ZRANB3: variants seen among roughly 807,000 people sequenced by gnomAD.
The protein encoded by ZRANB3 is DNA annealing helicase and endonuclease ZRANB3.
ZRANB3 carries 125 observed loss-of-function variants against 133.8 expected under a neutral mutation model. That is an observed-to-expected ratio of 0.93 (90% confidence interval 0.81 to 1.08). The LOEUF is 1.08. ZRANB3 is among the 50% of genes least tolerant of loss of function. The pLI, the probability that ZRANB3 is intolerant of heterozygous loss-of-function variation, is 0.00. For synonymous variants in ZRANB3, 387 were observed against 432.7 expected (o/e 0.89, Z 1.31); for missense variants, 1,229 against 1,275.5 (o/e 0.96, Z 0.56).
intron 2 of ZRANB3, among the ~76,000 whole-genome samples, chr2:135,485,694 G>A (rs1429473117): frequency 6.6e-6 from 1 of 152,178 alleles, no homozygotes; most frequent in Non-Finnish European, 1.5e-5. Context: ...TCGTAAAAAG[G>A]TGAGTCACAC....
intron 1 of ZRANB3, among the ~76,000 whole-genome samples, chr2:135,522,447 G>A (rs1447849078): frequency 6.6e-6 from 1 of 152,138 alleles, no homozygotes; most frequent in Non-Finnish European, 1.5e-5. Context: ...CCCGCCGGGT[G>A]GTGTGGGGCT....
At chr2:135,471,104 CT>C (rs11443441) in intron 2 of ZRANB3, among the ~76,000 whole-genome samples, 174 of 142,766 alleles carry the variant, frequency 1.2e-3, no homozygotes, top group Non-Finnish European at 1.7e-3. Context: ...CCCGGCCTCA[CT>C]TTTTTTTTTT....
At chr2:135,254,967 G>A (rs911807068) in intron 12 of ZRANB3, among the ~76,000 whole-genome samples, 2 of 151,968 alleles carry the variant, frequency 1.3e-5, no homozygotes, top group Admixed American at 1.3e-4. Flanking sequence ...TGGCCAGGCT[G>A]GTCTTGAAAT....
intron 3 of ZRANB3, among the ~76,000 whole-genome samples, chr2:135,380,795 G>A (rs1246769144): frequency 6.6e-6 from 1 of 152,086 alleles, no homozygotes; most frequent in African/African-American, 2.4e-5. Context: ...CTAGCAGAAG[G>A]CAAGAAATAA....
At position 135,281,710 on chromosome 2, in the gene ZRANB3, T is replaced by C. The variant is rs549464163; in HGVS notation, c.967-5955A>G. ...TAGCTTCACTGGGATACAATTCACA[T>C]ACCATAAAATTCACTCTTTTAAAGT... On this transcript the variant is annotated intron_variant, in intron 8 of 20. Transcript: ENST00000264159. Among the ~76,000 whole-genome samples, 12 of 152,332 alleles carry C rather than the reference T, an allele frequency of 7.9e-5. No homozygotes were observed. In the South Asian group the frequency reaches 2.5e-3, roughly 32 times the overall value.
chr2:135,479,037 G>C (rs773954356), intron 2 of ZRANB3, among the ~76,000 whole-genome samples: 2 of 151,632 alleles, frequency 1.3e-5, no homozygotes, highest in Non-Finnish European at 2.9e-5. Flanking sequence ...TTCCAAAGTA[G>C]TTGTGCCAAT....
At chr2:135,261,206 T>C (rs1205286269) in intron 12 of ZRANB3, among the ~76,000 whole-genome samples, 1 of 152,006 alleles carries the variant, frequency 6.6e-6, no homozygotes, top group Non-Finnish European at 1.5e-5. Context: ...TGTAAATGGA[T>C]AAAAAATAAA....
At chr2:135,490,316 G>C (rs969419839) in intron 2 of ZRANB3, among the ~76,000 whole-genome samples, 5 of 152,104 alleles carry the variant, frequency 3.3e-5, no homozygotes, top group African/African-American at 1.2e-4. Flanking sequence ...CAAAAAAAGA[G>C]AAATATTCCA....
chr2:135,209,524 G>A (rs867325527), intron 17 of ZRANB3, among the ~76,000 whole-genome samples: 1 of 152,120 alleles, frequency 6.6e-6, no homozygotes, highest in African/African-American at 2.4e-5. Flanking sequence ...CCCATACAGG[G>A]TTTATGGATT....
chr2:135,356,532 G>A (rs1685444567), intron 3 of ZRANB3, among the ~76,000 whole-genome samples: 1 of 152,124 alleles, frequency 6.6e-6, no homozygotes, highest in Non-Finnish European at 1.5e-5. Flanking sequence ...GATATGCTGG[G>A]AAGTTTATTT....
chr2:135,340,928 T>C (rs1179280960), intron 6 of ZRANB3, among the ~76,000 whole-genome samples: 2 of 150,216 alleles, frequency 1.3e-5, no homozygotes, highest in Non-Finnish European at 2.9e-5. Context: ...ATTTATCTTT[T>C]TATATGTCCT....
At chr2:135,487,293 T>C (rs1200178103) in intron 2 of ZRANB3, among the ~76,000 whole-genome samples, 1 of 152,222 alleles carries the variant, frequency 6.6e-6, no homozygotes, top group Non-Finnish European at 1.5e-5. Context: ...GTTATTCTAC[T>C]TATAGAACAC....
intron 2 of ZRANB3, among the ~76,000 whole-genome samples, chr2:135,500,687 T>C (rs905091889): frequency 6.7e-6 from 1 of 150,022 alleles, no homozygotes; most frequent in African/African-American, 2.5e-5. Flanking sequence ...GGTGATGCTA[T>C]ACTGTGAAAA....
chr2:135,395,669 G>A (rs1211923533), intron 2 of ZRANB3, among the ~76,000 whole-genome samples: 1 of 151,974 alleles, frequency 6.6e-6, no homozygotes, highest in African/African-American at 2.4e-5. Context: ...TTTTGGCCAG[G>A]CTGGTCTCAA....
chr2:135,364,834 A>C (rs1685854335), intron 3 of ZRANB3, among the ~76,000 whole-genome samples: 1 of 152,134 alleles, frequency 6.6e-6, no homozygotes, highest in Non-Finnish European at 1.5e-5. Flanking sequence ...GCAGATCACG[A>C]GGTCAGGAGT....
At chr2:135,406,972 G>A (rs1218418998) in intron 2 of ZRANB3, among the ~76,000 whole-genome samples, 2 of 152,096 alleles carry the variant, frequency 1.3e-5, no homozygotes, top group African/African-American at 4.8e-5. Flanking sequence ...TTCTGGCCAG[G>A]GCAATCAGGC....
Position 135,363,798 on chromosome 2 carries a change from T to G in ZRANB3, c.181-10170A>C, listed in dbSNP as rs367788221. ...TCAGGACAACACCTCAAATTCTGAT[T>G]CAATAGAAATGGACTTTTAAAATAA... On this transcript the variant is annotated intron_variant, in intron 3 of 20. Coordinates refer to ENST00000264159, the MANE Select transcript of ZRANB3 (RefSeq NM_032143.4). Among the ~76,000 whole-genome samples, 6 of 152,308 alleles carry G rather than the reference T, an allele frequency of 3.9e-5. No homozygotes were observed. In the East Asian group the frequency reaches 1.2e-3, roughly 29 times the overall value.
intron 3 of ZRANB3, among the ~76,000 whole-genome samples, chr2:135,356,154 T>C (rs1031098102): frequency 2.0e-5 from 3 of 150,682 alleles, no homozygotes; most frequent in Admixed American, 6.6e-5. Context: ...CTTGAAACAA[T>C]AGGTAGAATT....
intron 8 of ZRANB3, among the ~76,000 whole-genome samples, chr2:135,305,587 ATTTT>A (rs1682641226): frequency 6.6e-6 from 1 of 151,754 alleles, no homozygotes; most frequent in Admixed American, 6.6e-5. Context: ...TTTCTCTCTT[ATTTT>A]TTATCATTGT....
Sources: gnomAD v4.1 joint callset for allele counts (sites outside exome capture counted in the v4.1 genomes callset) on GRCh38, gnomAD v4.1.1 for gene constraint, MANE v1.5 for transcripts, NCBI Gene and HGNC (gene_info 2026-07-23, HGNC 2026-07-21) for gene names.